The following ANTXR1 variants were observed in gnomAD, a reference collection of about 807,000 sequenced individuals.
The protein encoded by ANTXR1 is ANTXR cell adhesion molecule 1, also known as anthrax toxin receptor 1.
In ANTXR1, 19 loss-of-function variants were observed where a neutral mutation model predicts 78.1. That is an observed-to-expected ratio of 0.24 (90% CI 0.17 to 0.36). The LOEUF (loss-of-function observed/expected upper bound fraction) is 0.36. Among genes scored for constraint, ANTXR1 ranks in the 10% least tolerant of loss-of-function variants. The probability of loss-of-function intolerance (pLI) is 1.00; values close to 1 mark genes in which losing one functional copy is unlikely to be tolerated. For missense variants in ANTXR1, 518 were observed against 718.6 expected (o/e 0.72, Z 3.19); for synonymous variants, 273 against 260.5 (o/e 1.05, Z -0.46).
chr2:69,189,774 C>T (rs754249026), intron 16 of ANTXR1, among the ~76,000 whole-genome samples: 1 of 152,160 alleles, frequency 6.6e-6, no homozygotes, highest in African/African-American at 2.4e-5. Context: ...CCAGTGTGCC[C>T]ATCTGGAGAG....
rs919896870 is a variant in ANTXR1 at position 69,013,180 on chromosome 2, C to T, written c.-320C>T. 1.7e-4 allele frequency: 36 copies of T among 216,680 alleles called. No individual in the cohort carries two copies. Among genetic ancestry groups the T allele is most frequent in the Non-Finnish European group, 2.9e-4 (31 of 108,250 alleles). The allele number at this position is 216,680 out of a possible 1,614,324, so 13.4% of individuals were successfully genotyped here. ...AATCTGGGACAAAGAACCGTCGGGA[C>T]GGAACTCCTTCCATTGCAAAAGCTC... On this transcript the variant is annotated 5_prime_UTR_variant, in exon 1 of 18. The change creates a new upstream start codon in the 5' untranslated region. Transcript: ENST00000303714. The surrounding 1 kb of genome is among the most constrained non-coding windows in gnomAD (Gnocchi z 5.0).
intron 16 of ANTXR1, among the ~76,000 whole-genome samples, chr2:69,190,176 G>A (rs531657210): frequency 9.8e-4 from 150 of 152,340 alleles, no homozygotes; most frequent in Non-Finnish European, 1.8e-3. Context: ...CACAGAGACT[G>A]AGGGAGAGTG....
At chr2:69,090,723 G>C in intron 8 of ANTXR1, 136 bp from the exon 9 acceptor site, 1 of 761,104 alleles carries the variant, frequency 1.3e-6, no homozygotes, top group Non-Finnish European at 2.3e-6. Context: ...CAAGATGTTA[G>C]ACTCCTCGCA....
In ANTXR1 at chr2:69,145,459, C is replaced by T. The variant is rs554631467; in HGVS notation, c.952-6710C>T. 9.5e-5 allele frequency: 145 copies of T among 1,534,030 alleles called. 1 individual carries two copies. In the African/African-American group the frequency reaches 1.7e-3, roughly 18 times the overall value. The stretch of plus-strand genomic sequence containing the variant: ...GCCAAACATGCTCGGTTTACACTTT[C>T]CTTATTTACTGAATGAGTGGAGGGC... On this transcript the variant is annotated intron_variant, in intron 12 of 17. Transcript: ENST00000303714.
In ANTXR1 at chr2:69,182,642, G is replaced by A. The variant is rs201305905; in HGVS notation, c.1335G>A (p.Lys445=). The A allele has an allele frequency of 6.2e-7, 1 of 1,614,176 alleles. No individual in the cohort carries two copies. Among genetic ancestry groups the A allele is most frequent in the African/African-American group, 1.3e-5 (1 of 75,044 alleles). Residue 445 remains lysine (K), a synonymous_variant, in exon 16 of 18, where the codon AAG becomes AAA. Transcript: ENST00000303714. ...TGCGTCGGCCTTCTTCCCCCCGGAA[G>A]TGGTACTCTCCAATCAAGGTGTGTC... The part of the protein sequence containing the change: ...NNMRRPSSPR[K]WYSPIKGKLD...
rs1676070228 is a variant in ANTXR1 at position 69,248,621 on chromosome 2, T to C, written c.*3136T>C. The C allele has an allele frequency of 6.6e-6, 1 of 152,268 alleles. No homozygotes were observed. 9.4% of individuals were successfully genotyped at this position (152,268 alleles called of 1,614,324 possible). The stretch of plus-strand genomic sequence containing the variant: ...CGATATCTGGCCATGGGTAACCTCA[T>C]TGTAACTATCATCAGAATGGGCAGA... On this transcript the variant is annotated 3_prime_UTR_variant, in exon 18 of 18. Transcript: ENST00000303714.
At chr2:69,177,813 C>T (rs183951157) in intron 14 of ANTXR1, among the ~76,000 whole-genome samples, 2 of 152,328 alleles carry the variant, frequency 1.3e-5, no homozygotes, top group African/African-American at 2.4e-5. Context: ...TATTTACCAC[C>T]GGCCACCCCC....
At chr2:69,062,340 A>G (rs1670271050) in intron 3 of ANTXR1, among the ~76,000 whole-genome samples, 1 of 152,216 alleles carries the variant, frequency 6.6e-6, no homozygotes, top group Non-Finnish European at 1.5e-5. Context: ...GTGGATTCTC[A>G]TTGTGCTTGG....
chr2:69,110,449 A>T (rs1023438410), intron 10 of ANTXR1, among the ~76,000 whole-genome samples: 3 of 152,272 alleles, frequency 2.0e-5, no homozygotes, highest in African/African-American at 7.2e-5. Flanking sequence ...ACAATAGGTA[A>T]TCTGTTAGAT....
intron 3 of ANTXR1, among the ~76,000 whole-genome samples, chr2:69,053,654 C>A (rs1345891245): frequency 6.6e-6 from 1 of 152,160 alleles, no homozygotes; most frequent in Non-Finnish European, 1.5e-5. Context: ...AGATCATTAT[C>A]TTTGACTGGA....
intron 10 of ANTXR1, among the ~76,000 whole-genome samples, chr2:69,122,159 C>A (rs60378387): frequency 0.15 from 22,250 of 152,176 alleles, 1,788 homozygotes; most frequent in African/African-American, 0.19. Context: ...CTTCTTATAT[C>A]CTACCTTGGA....
chr2:69,175,681 TG>T (rs1043355275), intron 14 of ANTXR1, among the ~76,000 whole-genome samples: 1 of 152,070 alleles, frequency 6.6e-6, no homozygotes, highest in Non-Finnish European at 1.5e-5. Flanking sequence ...ATATATGCAC[TG>T]GGGGGCGGGT....
intron 14 of ANTXR1, among the ~76,000 whole-genome samples, chr2:69,175,214 C>A (rs776411299): frequency 3.9e-5 from 6 of 152,212 alleles, no homozygotes; most frequent in Admixed American, 1.3e-4. Context: ...CTGTCCATGG[C>A]CCTAGTGTGT....
chr2:69,135,796 CA>C (rs1436993320), intron 12 of ANTXR1, among the ~76,000 whole-genome samples: 1 of 151,892 alleles, frequency 6.6e-6, no homozygotes. Flanking sequence ...GGTTTCTATA[CA>C]ATTCTCTCAG....
intron 17 of ANTXR1, among the ~76,000 whole-genome samples, chr2:69,238,898 G>A (rs1675834631): frequency 6.6e-6 from 1 of 152,144 alleles, no homozygotes; most frequent in South Asian, 2.1e-4. Context: ...CATCTCCAAA[G>A]TCCAGCTCCC....
intron 3 of ANTXR1, among the ~76,000 whole-genome samples, chr2:69,066,480 T>C (rs1394699536): frequency 6.6e-6 from 1 of 151,986 alleles, no homozygotes; most frequent in Admixed American, 6.6e-5. Context: ...AATTTAATTT[T>C]TTTCTTACGT....
intron 1 of ANTXR1, among the ~76,000 whole-genome samples, chr2:69,032,636 T>C (rs889306099): frequency 3.3e-5 from 5 of 152,016 alleles, no homozygotes; most frequent in Admixed American, 1.3e-4. Flanking sequence ...GGGAAATACC[T>C]TTTGGGTTAC....
intron 4 of ANTXR1, 139 bp from the exon 5 acceptor site, chr2:69,071,615 G>T: frequency 1.2e-6 from 1 of 827,370 alleles, no homozygotes; most frequent in Non-Finnish European, 2.1e-6. Flanking sequence ...ACTGATAATT[G>T]AGCAAAGCCT....
chr2:69,050,921 A>C (rs1346020093), intron 3 of ANTXR1, among the ~76,000 whole-genome samples: 1 of 152,016 alleles, frequency 6.6e-6, no homozygotes, highest in Admixed American at 6.6e-5. Flanking sequence ...ATGATTCATT[A>C]TTTTATCTTA....
Sources: allele counts gnomAD v4.1 joint callset (sites outside exome capture counted in the v4.1 genomes callset), GRCh38; gene constraint gnomAD v4.1.1; non-coding constraint Gnocchi (gnomAD v3.1); transcripts MANE v1.5; gene names NCBI Gene and HGNC (gene_info 2026-07-23, HGNC 2026-07-21).